FAAH2: variants seen among roughly 807,000 people sequenced by gnomAD.
FAAH2 encodes fatty acid amide hydrolase 2, also known as fatty-acid amide hydrolase 2.
A neutral mutation model predicts 36.9 loss-of-function variants in FAAH2; 60 were observed. That is an observed-to-expected ratio of 1.63 (90% confidence interval 1.32 to 2.02). FAAH2 has a LOEUF of 2.02. FAAH2 is among the 30% of genes most tolerant of loss of function. FAAH2 has a pLI of 0.00. For synonymous variants in FAAH2, 214 were observed against 143.8 expected, an observed-to-expected ratio of 1.49 and a Z score of -3.49; for missense variants, 689 against 397.5, an observed-to-expected ratio of 1.73 and a Z score of -6.23.
At chrX:57,418,226 AGG>A (rs1351068696) in intron 7 of FAAH2, among the ~76,000 whole-genome samples, 7 of 111,233 alleles carry the variant, frequency 6.3e-5, no homozygotes, top group Non-Finnish European at 1.3e-4. Flanking sequence ...CCCTTTTTCC[AGG>A]GGAGTGAACA....
chrX:57,360,092 TCTC>T (rs1407423761), intron 5 of FAAH2, among the ~76,000 whole-genome samples: 3 of 110,107 alleles, frequency 2.7e-5, no homozygotes, highest in African/African-American at 9.9e-5. Context: ...GAGTAGCTAT[TCTC>T]CTGCTACCTA....
chrX:57,471,776 C>A (rs1302911833), intron 10 of FAAH2, among the ~76,000 whole-genome samples: 1 of 111,629 alleles, frequency 9.0e-6, no homozygotes, highest in African/African-American at 3.3e-5. Flanking sequence ...AAAGAGCCCG[C>A]ATTGCCAAGT....
chrX:57,450,373 C>G (rs1333416387), intron 10 of FAAH2, among the ~76,000 whole-genome samples: 1 of 110,199 alleles, frequency 9.1e-6, no homozygotes, highest in Non-Finnish European at 1.9e-5. Flanking sequence ...TTGTGTAAAA[C>G]CTGAGGAAAC....
chrX:57,461,807 T>A (rs1387175211), intron 10 of FAAH2, among the ~76,000 whole-genome samples: 2 of 108,927 alleles, frequency 1.8e-5, no homozygotes, highest in Non-Finnish European at 3.8e-5. Flanking sequence ...CAGAGCAGAA[T>A]TGAAGGAGAT....
chrX:57,274,410 C>T, the FAAH2 span, among the ~76,000 whole-genome samples: 1 of 111,985 alleles, frequency 8.9e-6, no homozygotes, highest in African/African-American at 3.2e-5. Context: ...TTTCATGAGG[C>T]CAGAATCATT....
chrX:57,418,464 C>T (rs981018484), intron 7 of FAAH2, among the ~76,000 whole-genome samples: 4 of 111,099 alleles, frequency 3.6e-5, no homozygotes, highest in Non-Finnish European at 7.5e-5. Flanking sequence ...TCCCTTATGG[C>T]TTCCCTTGGC....
At chrX:57,183,814 G>C in the FAAH2 span, among the ~76,000 whole-genome samples, 1 of 111,410 alleles carries the variant, frequency 9.0e-6, no homozygotes, top group African/African-American at 3.3e-5. Flanking sequence ...AGGTCTGACT[G>C]CCTGTGGGGT....
intron 10 of FAAH2, among the ~76,000 whole-genome samples, chrX:57,485,942 C>G (rs2057466641): frequency 8.9e-6 from 1 of 111,777 alleles, no homozygotes. Context: ...CAACCCTGGA[C>G]AGCTGACCTT....
Position 57,334,268 on chromosome X carries a change from T to TCTCACACACACACACACACA in FAAH2, c.622+2462_622+2463insTCACACACACACACACACAC, listed in dbSNP as rs753282666. 2.4e-4 allele frequency among the ~76,000 whole-genome samples: 21 copies of TCTCACACACACACACACACA among 85,725 alleles called. No homozygotes were observed. The South Asian group carries it at 5.0e-3, about 20-fold the overall frequency. 74.4% of individuals were successfully genotyped at this position (85,725 alleles called of 115,157 possible). The stretch of plus-strand genomic sequence containing the variant: ...CTAGGTGACAGAGGGAGATTCCGTC[T>TCTCACACACACACACACACA]CACACACACACACACACACACACAC... On this transcript the variant is annotated intron_variant, in intron 4 of 10. Transcript: ENST00000374900.
chrX:57,411,248 A>G (rs1435102869), intron 7 of FAAH2, among the ~76,000 whole-genome samples: 1 of 111,898 alleles, frequency 8.9e-6, no homozygotes, highest in Non-Finnish European at 1.9e-5. Context: ...TGACCATCCC[A>G]TTTATTTTCC....
At chrX:57,441,131 G>A (rs754456579) in intron 8 of FAAH2, among the ~76,000 whole-genome samples, 1 of 111,727 alleles carries the variant, frequency 9.0e-6, no homozygotes, top group East Asian at 2.8e-4. Context: ...AAATGAGTTA[G>A]GGAGGATTCC....
At chrX:57,150,863 C>G in the FAAH2 span, among the ~76,000 whole-genome samples, 2 of 112,169 alleles carry the variant, frequency 1.8e-5, no homozygotes, top group African/African-American at 3.2e-5. Context: ...CCTTGATGGT[C>G]TATACAATTT....
At chrX:57,306,730 GTA>G (rs1248670072) in intron 2 of FAAH2, among the ~76,000 whole-genome samples, 393 of 28,635 alleles carry the variant, frequency 0.014, 2 homozygotes, top group Middle Eastern at 0.069. Flanking sequence ...GTGTGTGTGT[GTA>G]TATATATACA....
At chrX:57,440,815 C>T (rs913774340) in intron 8 of FAAH2, among the ~76,000 whole-genome samples, 6 of 111,492 alleles carry the variant, frequency 5.4e-5, no homozygotes, top group Admixed American at 1.9e-4. Context: ...GCATGAAGGG[C>T]TGTTGAATTT....
intron 10 of FAAH2, among the ~76,000 whole-genome samples, chrX:57,451,895 TC>T (rs1390119234): frequency 8.9e-6 from 1 of 112,894 alleles, no homozygotes; most frequent in Non-Finnish European, 1.9e-5. Context: ...GCCTGCAGAT[TC>T]TTTGAATATT....
At position 57,317,889 on chromosome X, in the gene FAAH2, A is replaced by C. The variant is rs1254203781; in HGVS notation, c.412+7160A>C. On this transcript the variant is annotated intron_variant, in intron 3 of 10. Transcript: ENST00000374900. Reference sequence around the variant, plus strand: ...ACTCAAAACGGCACAACTACATGGAAACTGAACAATCTGCTCCTGAATGAC... The same window carrying C: ...ACTCAAAACGGCACAACTACATGGACACTGAACAATCTGCTCCTGAATGAC... Among the ~76,000 whole-genome samples, 5 of 111,984 alleles carry C rather than the reference A, an allele frequency of 4.5e-5. No individual in the cohort carries two copies. The Admixed American group carries it at 4.8e-4, about 11-fold the overall frequency.
intron 7 of FAAH2, among the ~76,000 whole-genome samples, chrX:57,398,492 C>A (rs1004295402): frequency 1.8e-5 from 2 of 111,294 alleles, no homozygotes; most frequent in Admixed American, 1.9e-4. Context: ...CCATGCATTG[C>A]GGATCTGGTT....
rs147806771 is a variant in FAAH2 at position 57,360,580 on chromosome X, A to G, written c.743-18071A>G. ...ATTTTGTCTGTTTTCTCTTTTAGTT[A>G]TTGAGCATTTTTAAGATGGTTATTT... On this transcript the variant is annotated intron_variant, in intron 5 of 10. Coordinates refer to ENST00000374900, the MANE Select transcript of FAAH2 (RefSeq NM_174912.4). Among the ~76,000 whole-genome samples the G allele has an allele frequency of 6.9e-4, 76 of 110,918 alleles. 1 individual carries two copies. The highest frequency in any genetic ancestry group is 2.1e-3 in the African/African-American group (65 of 30,529).
At chrX:57,387,934 G>C (rs975491183) in intron 7 of FAAH2, among the ~76,000 whole-genome samples, 2 of 111,098 alleles carry the variant, frequency 1.8e-5, no homozygotes, top group Non-Finnish European at 3.8e-5. Context: ...GTGGGGTAAG[G>C]ATGTGTGCCA....
Sources: gnomAD v4.1 joint callset for allele counts (sites outside exome capture counted in the v4.1 genomes callset) on GRCh38, gnomAD v4.1.1 for gene constraint, MANE v1.5 for transcripts, NCBI Gene and HGNC (gene_info 2026-07-23, HGNC 2026-07-21) for gene names.